The following GOLGA4 variants were observed in gnomAD, a reference collection of about 807,000 sequenced individuals.
GOLGA4 encodes golgin A4.
In GOLGA4, 169 loss-of-function variants were observed where a neutral mutation model predicts 265.9. That is an observed-to-expected ratio of 0.64 (90% confidence interval 0.56 to 0.72). The LOEUF (loss-of-function observed/expected upper bound fraction) is 0.72, where lower values mean the gene tolerates loss of function less well. Ranked by LOEUF, GOLGA4 falls within the 30% of genes least tolerant of loss-of-function variation. The probability of loss-of-function intolerance (pLI) is 0.00; values close to 1 mark genes in which losing one functional copy is unlikely to be tolerated. For missense variants in GOLGA4, 2,482 were observed against 2,483.4 expected, an observed-to-expected ratio of 1.00 and a Z score of 0.01; for synonymous variants, 923 against 855.8, an observed-to-expected ratio of 1.08 and a Z score of -1.37.
chr3:37,290,229 G>T (rs1011120529), intron 5 of GOLGA4, among the ~76,000 whole-genome samples: 4 of 152,120 alleles, frequency 2.6e-5, no homozygotes, highest in African/African-American at 9.7e-5. Context: ...AAAAACAAGG[G>T]AGTATAGATT....
intron 2 of GOLGA4, chr3:37,276,018 C>G: frequency 3.1e-6 from 5 of 1,613,004 alleles, no homozygotes; most frequent in Non-Finnish European, 4.2e-6. Context: ...GAAAGTACTT[C>G]CAGCGGCAAT....
At position 37,282,126 on chromosome 3, in the gene GOLGA4, A is replaced by G. The variant is rs1186600331; in HGVS notation, c.331A>G (p.Thr111Ala). The stretch of plus-strand genomic sequence containing the variant: ...GAATCGACTTGACCTGGACAGTTCT[A>G]CTGCCAGTTTTGATCCACCCTCTGA... The part of the protein sequence containing the change: ...SLNRLDLDSS[T>A]ASFDPPSDMD... The change falls in exon 3 of 24, where the codon ACT becomes GCT. Residue 111 changes from threonine to alanine, a missense_variant. Coordinates refer to ENST00000361924, the MANE Select transcript of GOLGA4 (RefSeq NM_002078.5). 1 of 1,614,192 alleles carries G rather than the reference A, an allele frequency of 6.2e-7. No homozygotes were observed. The highest frequency in any genetic ancestry group is 2.2e-5 in the East Asian group (1 of 44,886).
chr3:37,273,438 G>A lies in GOLGA4; in HGVS notation c.163-8520G>A, dbSNP rs2096804368. 4.2e-5 allele frequency: 28 copies of A among 659,398 alleles called. No individual in the cohort carries two copies. The East Asian group carries it at 7.7e-4, about 18-fold the overall frequency. 40.8% of individuals were successfully genotyped at this position (659,398 alleles called of 1,614,324 possible). ...TACTAATTTTGTTTAATAGATAAAT[G>A]TATCTGATAGGTCTTGGCACATGGG... On this transcript the variant is annotated intron_variant, in intron 2 of 23. Coordinates refer to ENST00000361924, the MANE Select transcript of GOLGA4 (RefSeq NM_002078.5).
intron 10 of GOLGA4, among the ~76,000 whole-genome samples, chr3:37,304,490 C>T (rs2096901072): frequency 6.6e-6 from 1 of 152,192 alleles, no homozygotes; most frequent in African/African-American, 2.4e-5. Flanking sequence ...TGTTGTAAGA[C>T]ATTGGTTCAA....
chr3:37,297,308 TG>T (rs2096881079), intron 7 of GOLGA4, among the ~76,000 whole-genome samples: 1 of 152,092 alleles, frequency 6.6e-6, no homozygotes, highest in Non-Finnish European at 1.5e-5. Flanking sequence ...CAGACTATGG[TG>T]GGGTGGTGGG....
rs768760517 is a variant in GOLGA4, at chr3:37,325,976, GA to G, written c.4098del (p.Val1367LeufsTer10). On this transcript the variant is annotated frameshift_variant, in exon 14 of 24. Transcript: ENST00000361924. LOFTEE classifies it high-confidence loss of function. Reference protein sequence around the residue: ...AVTLMKEELKEKKVEISSLSK... With the variant: ...AVTLMKEELKXKKVEISSLSK... ...CACATTGATGAAAGAAGAGCTTAAAGAAAAAAAAGTTGAGATTAGCAGTCTT... is the reference window on the plus strand; with the variant it reads ...CACATTGATGAAAGAAGAGCTTAAAGAAAAAAAGTTGAGATTAGCAGTCTT... 4 of 1,611,292 alleles carry G rather than the reference GA, an allele frequency of 2.5e-6. No homozygotes were observed. The highest frequency in any genetic ancestry group is 2.2e-5 in the East Asian group (1 of 44,794).
rs759621002 is a variant in GOLGA4 at position 37,326,836 on chromosome 3, C to T, written c.4950C>T (p.Ala1650=). The T allele has an allele frequency of 3.1e-6, 5 of 1,613,488 alleles. No individual in the cohort carries two copies. The East Asian group carries it at 8.9e-5, about 29-fold the overall frequency. The change falls in exon 14 of 24, where the codon GCC becomes GCT. Residue 1650 remains alanine, a synonymous_variant. Transcript: ENST00000361924. Reference sequence around the variant, plus strand: ...GAAAAGCTGAACAAAAAATTGCTGCCATTAAGAAGCAGTTGTTATCTCAAA... The same window carrying T: ...GAAAAGCTGAACAAAAAATTGCTGCTATTAAGAAGCAGTTGTTATCTCAAA... ...LKRKAEQKIA[A]IKKQLLSQME...
At position 37,327,763 on chromosome 3, in the gene GOLGA4, G is replaced by A. The variant is rs370458025; in HGVS notation, c.5877G>A (p.Glu1959=). The A allele has an allele frequency of 1.9e-6, 3 of 1,611,866 alleles. No individual in the cohort carries two copies. The highest frequency in any genetic ancestry group is 2.5e-6 in the Non-Finnish European group (3 of 1,178,162). ...AAGACCTTCGAATGTTGAGAAAGGAGCATCAGCAAGAATTGGAAATACTAA... is the reference window on the plus strand; with the variant it reads ...AAGACCTTCGAATGTTGAGAAAGGAACATCAGCAAGAATTGGAAATACTAA... ...LQKDLRMLRK[E]HQQELEILKK... Residue 1959 remains glutamate (E), a synonymous_variant, in exon 14 of 24, where the codon GAG becomes GAA. Transcript: ENST00000361924.
rs1439702527 is a variant in GOLGA4, at chr3:37,318,497, A to C, written c.1414-566A>C. On this transcript the variant is annotated intron_variant, in intron 11 of 23. Coordinates refer to ENST00000361924, the MANE Select transcript of GOLGA4 (RefSeq NM_002078.5). ...TTGGTAGCTTCTTATTATTACTCTT[A>C]TTTTTTGAAATAGTGTTGGTTATTC... 2.0e-5 allele frequency among the ~76,000 whole-genome samples: 3 copies of C among 151,004 alleles called. No individual in the cohort carries two copies. In the East Asian group the frequency reaches 5.8e-4, roughly 29 times the overall value.
At chr3:37,280,397 A>G (rs956356034) in intron 2 of GOLGA4, among the ~76,000 whole-genome samples, 10 of 152,210 alleles carry the variant, frequency 6.6e-5, no homozygotes, top group African/African-American at 1.9e-4. Flanking sequence ...AAATGGTGAA[A>G]AATATGATAT....
At chr3:37,281,289 T>C (rs1010272563) in intron 2 of GOLGA4, among the ~76,000 whole-genome samples, 1 of 152,220 alleles carries the variant, frequency 6.6e-6, no homozygotes, top group Admixed American at 6.5e-5. Context: ...CTTTCAACTG[T>C]CCTCCATGAT....
intron 23 of GOLGA4, 59 bp downstream of exon 23, chr3:37,361,364 C>A: frequency 8.7e-7 from 1 of 1,150,120 alleles, no homozygotes; most frequent in Non-Finnish European, 1.3e-6. Context: ...TTGCCTGATA[C>A]TAACCATTTT....
At chr3:37,290,616 T>C (rs1330407855) in intron 5 of GOLGA4, among the ~76,000 whole-genome samples, 1 of 152,244 alleles carries the variant, frequency 6.6e-6, no homozygotes, top group East Asian at 1.9e-4. Context: ...TAATGAAAAT[T>C]TGTACAACTT....
intron 15 of GOLGA4, 63 bp downstream of exon 15, chr3:37,328,600 C>G (rs534573748): frequency 6.9e-7 from 1 of 1,455,466 alleles, no homozygotes; most frequent in Admixed American, 2.2e-5. Context: ...TTAAGCTTAT[C>G]ATTTTTGCAG....
chr3:37,364,262 C>T (rs1267753337), intron 23 of GOLGA4, among the ~76,000 whole-genome samples: 3 of 151,880 alleles, frequency 2.0e-5, no homozygotes, highest in African/African-American at 2.4e-5. Flanking sequence ...ATATTTGAGA[C>T]GGAGTTTCAC....
chr3:37,321,086 A>G (rs879761155), intron 12 of GOLGA4, among the ~76,000 whole-genome samples: 15 of 152,200 alleles, frequency 9.9e-5, no homozygotes, highest in Non-Finnish European at 1.9e-4. Flanking sequence ...TTGGAGTTCA[A>G]TTAAGAAATT....
intron 22 of GOLGA4, among the ~76,000 whole-genome samples, chr3:37,356,793 C>A (rs1008085075): frequency 2.0e-5 from 3 of 152,016 alleles, no homozygotes; most frequent in Non-Finnish European, 2.9e-5. Flanking sequence ...TATAAAAGGG[C>A]TTTTATTTAG....
At chr3:37,291,085 A>C (rs1282345602) in intron 5 of GOLGA4, among the ~76,000 whole-genome samples, 1 of 152,192 alleles carries the variant, frequency 6.6e-6, no homozygotes. Context: ...GATTAGATAT[A>C]CATAGTAATG....
intron 12 of GOLGA4, among the ~76,000 whole-genome samples, chr3:37,321,184 C>A (rs945721851): frequency 1.3e-5 from 2 of 152,128 alleles, no homozygotes; most frequent in Non-Finnish European, 2.9e-5. Flanking sequence ...AATATTGATA[C>A]ATGAAAGGAC....
Sources: gnomAD v4.1 joint callset for allele counts (sites outside exome capture counted in the v4.1 genomes callset) on GRCh38, gnomAD v4.1.1 for gene constraint, MANE v1.5 for transcripts, NCBI Gene and HGNC (gene_info 2026-07-23, HGNC 2026-07-21) for gene names.